The following HPSE2 variants were observed in gnomAD, a reference collection of about 807,000 sequenced individuals.
HPSE2 encodes inactive heparanase-2.
In HPSE2, 38 loss-of-function variants were observed where a neutral mutation model predicts 60.5. The ratio of observed to expected loss-of-function variants is 0.63; its 90% CI spans 0.48 to 0.82. The LOEUF (loss-of-function observed/expected upper bound fraction) is 0.82, where lower values mean the gene tolerates loss of function less well. Among genes scored for constraint, HPSE2 ranks in the 40% least tolerant of loss-of-function variants. The pLI, the probability that HPSE2 is intolerant of heterozygous loss-of-function variation, is 0.00. For synonymous variants in HPSE2, 295 were observed against 293.2 expected, an observed-to-expected ratio of 1.01 and a Z score of -0.06; for missense variants, 713 against 740.4, an observed-to-expected ratio of 0.96 and a Z score of 0.43.
At chr10:98,463,054 C>T (rs1940370619) in intron 11 of HPSE2, among the ~76,000 whole-genome samples, 1 of 152,042 alleles carries the variant, frequency 6.6e-6, no homozygotes, top group African/African-American at 2.4e-5. Flanking sequence ...CCCCCAATTC[C>T]CTTGTGTAGG....
chr10:98,883,104 T>C (rs1396759413), intron 3 of HPSE2, among the ~76,000 whole-genome samples: 1 of 152,112 alleles, frequency 6.6e-6, no homozygotes, highest in Non-Finnish European at 1.5e-5. Flanking sequence ...AGGGCTATCA[T>C]ATGGAAGAGA....
chr10:98,788,810 C>G (rs1012439393), intron 3 of HPSE2, among the ~76,000 whole-genome samples: 1 of 150,932 alleles, frequency 6.6e-6, no homozygotes, highest in Non-Finnish European at 1.5e-5. Flanking sequence ...GGCTCGAGCA[C>G]GGTGCGCACA....
At chr10:98,612,131 C>T (rs1243778974) in intron 9 of HPSE2, among the ~76,000 whole-genome samples, 1 of 152,196 alleles carries the variant, frequency 6.6e-6, no homozygotes, top group Non-Finnish European at 1.5e-5. Context: ...ACCCAAAGAC[C>T]ATCTTTTTCC....
chr10:99,122,878 A>G (rs193281592), intron 3 of HPSE2, among the ~76,000 whole-genome samples: 33 of 152,262 alleles, frequency 2.2e-4, no homozygotes, highest in African/African-American at 7.7e-4. Flanking sequence ...AGTAGTTAAT[A>G]AGCCTTACCA....
chr10:98,730,545 A>G (rs1949200875), intron 4 of HPSE2, among the ~76,000 whole-genome samples: 1 of 152,100 alleles, frequency 6.6e-6, no homozygotes, highest in Non-Finnish European at 1.5e-5. Context: ...TTATTTGAAA[A>G]GACCACAAAA....
chr10:99,058,471 G>A (rs1261242908), intron 3 of HPSE2, among the ~76,000 whole-genome samples: 1 of 151,978 alleles, frequency 6.6e-6, no homozygotes, highest in Non-Finnish European at 1.5e-5. Context: ...TCCCAGCATG[G>A]TAGCCAAAAA....
chr10:98,921,570 C>G (rs1209850178), intron 3 of HPSE2, among the ~76,000 whole-genome samples: 2 of 152,184 alleles, frequency 1.3e-5, no homozygotes, highest in African/African-American at 4.8e-5. Context: ...CAATTACCAT[C>G]TAAATGTTCA....
At chr10:99,023,331 C>A (rs569701158) in intron 3 of HPSE2, among the ~76,000 whole-genome samples, 1 of 152,242 alleles carries the variant, frequency 6.6e-6, no homozygotes, top group Admixed American at 6.5e-5. Flanking sequence ...AGCCACAGTA[C>A]AATAGAACAC....
intron 6 of HPSE2, among the ~76,000 whole-genome samples, chr10:98,663,232 G>C (rs925002785): frequency 6.6e-6 from 1 of 152,160 alleles, no homozygotes; most frequent in Admixed American, 6.5e-5. Context: ...ACCAGGCACT[G>C]TTCTAGGTAC....
At chr10:98,538,594 A>C (rs1360651561) in intron 9 of HPSE2, among the ~76,000 whole-genome samples, 1 of 152,068 alleles carries the variant, frequency 6.6e-6, no homozygotes, top group Non-Finnish European at 1.5e-5. Context: ...GGGAGCTTTA[A>C]AAAATACTGA....
chr10:99,112,495 G>T lies in HPSE2; in HGVS notation c.610+31743C>A, dbSNP rs996523111. On this transcript the variant is annotated intron_variant, in intron 3 of 11. Transcript: ENST00000370552. ...TAGTAGAGACGGGGTTTCACCATGT[G>T]AGCCAGGATGGTCTTGATCTCCTGA... 1.3e-5 allele frequency among the ~76,000 whole-genome samples: 2 copies of T among 151,686 alleles called. 1 individual carries two copies. Among genetic ancestry groups the T allele is most frequent in the Non-Finnish European group, 2.9e-5 (2 of 67,948 alleles).
At chr10:98,584,322 G>A (rs1050456103) in intron 9 of HPSE2, among the ~76,000 whole-genome samples, 3 of 152,154 alleles carry the variant, frequency 2.0e-5, no homozygotes, top group Admixed American at 2.0e-4. Flanking sequence ...CTGTGTAAGG[G>A]CAGAAATAAG....
At position 98,527,453 on chromosome 10, in the gene HPSE2, T is replaced by C. The variant is rs186971799; in HGVS notation, c.1321-37257A>G. 2.2e-3 allele frequency among the ~76,000 whole-genome samples: 341 copies of C among 152,250 alleles called. 6 individuals are homozygous for C. Among genetic ancestry groups the C allele is most frequent in the Non-Finnish European group, 4.7e-4 (32 of 68,000 alleles). Reference sequence around the variant, plus strand: ...GCTTTCCTCTCTGTTCTTTGAACCCTCTGGACCCTCTCCCTTCTAAGGCCC... The same window carrying C: ...GCTTTCCTCTCTGTTCTTTGAACCCCCTGGACCCTCTCCCTTCTAAGGCCC... On this transcript the variant is annotated intron_variant, in intron 9 of 11. Coordinates refer to ENST00000370552, the MANE Select transcript of HPSE2 (RefSeq NM_021828.5).
At chr10:99,269,996 T>TCATA in the HPSE2 span, among the ~76,000 whole-genome samples, 1 of 152,104 alleles carries the variant, frequency 6.6e-6, no homozygotes, top group South Asian at 2.1e-4. Context: ...AGAGGAAAGG[T>TCATA]CATAGCAGCC....
chr10:98,588,625 C>T (rs114239964), intron 9 of HPSE2, among the ~76,000 whole-genome samples: 3 of 152,124 alleles, frequency 2.0e-5, no homozygotes, highest in East Asian at 1.9e-4. Flanking sequence ...TCTCAAAATA[C>T]GGACAGCTTA....
intron 2 of HPSE2, among the ~76,000 whole-genome samples, chr10:99,184,059 G>A (rs1212427863): frequency 6.6e-6 from 1 of 151,790 alleles, no homozygotes; most frequent in Non-Finnish European, 1.5e-5. Flanking sequence ...ATATTTAAAG[G>A]AATATCAAAT....
the HPSE2 span, among the ~76,000 whole-genome samples, chr10:99,273,985 T>C: frequency 1.3e-5 from 2 of 152,238 alleles, no homozygotes; most frequent in African/African-American, 4.8e-5. Flanking sequence ...CCAACATTAA[T>C]CAATCTGGAG....
intron 8 of HPSE2, among the ~76,000 whole-genome samples, chr10:98,619,413 T>A (rs1946011814): frequency 6.6e-6 from 1 of 152,166 alleles, no homozygotes. Flanking sequence ...ATTTTCCCAT[T>A]CCTTCCCAAC....
chr10:98,942,630 G>T (rs1329919126), intron 3 of HPSE2, among the ~76,000 whole-genome samples: 2 of 152,166 alleles, frequency 1.3e-5, no homozygotes, highest in Admixed American at 6.5e-5. Flanking sequence ...CACACTGTTG[G>T]TGGGACTGTC....
Sources: allele counts gnomAD v4.1 joint callset (sites outside exome capture counted in the v4.1 genomes callset), GRCh38; gene constraint gnomAD v4.1.1; transcripts MANE v1.5; gene names NCBI Gene and HGNC (gene_info 2026-07-23, HGNC 2026-07-21).